Variants in STAC observed in about 807,000 individuals in gnomAD.
STAC encodes SH3 and cysteine-rich domain-containing protein.
STAC carries 43 observed loss-of-function variants against 48.8 expected under a neutral mutation model. The ratio of observed to expected loss-of-function variants is 0.88; its 90% confidence interval spans 0.69 to 1.14. The LOEUF is 1.14. Ranked by LOEUF, STAC falls within the 50% of genes most tolerant of loss-of-function variation. The probability of loss-of-function intolerance (pLI) is 0.00; values close to 1 mark genes in which losing one functional copy is unlikely to be tolerated. For synonymous variants in STAC, 193 were observed against 179.5 expected, an observed-to-expected ratio of 1.07 and a Z score of -0.60; for missense variants, 497 against 504.0, an observed-to-expected ratio of 0.99 and a Z score of 0.13.
intron 2 of STAC, among the ~76,000 whole-genome samples, chr3:36,457,915 G>A (rs996353370): frequency 3.3e-5 from 5 of 152,190 alleles, no homozygotes; most frequent in African/African-American, 7.2e-5. Context: ...AGCCAAGTGC[G>A]GGTGAGGGGC....
At chr3:36,447,649 C>CCACACACACACACA (rs3061960) in intron 2 of STAC, among the ~76,000 whole-genome samples, 4 of 146,314 alleles carry the variant, frequency 2.7e-5, no homozygotes, top group Non-Finnish European at 6.0e-5. Context: ...TGTATACACA[C>CCACACACACACACA]CACACACACA....
At chr3:36,472,288 C>A (rs1277368925) in intron 2 of STAC, among the ~76,000 whole-genome samples, 2 of 152,194 alleles carry the variant, frequency 1.3e-5, no homozygotes, top group Admixed American at 6.5e-5. Context: ...GGGCCCTGGG[C>A]CCGGCCCACG....
At chr3:36,509,832 C>A (rs376191466) in intron 8 of STAC, among the ~76,000 whole-genome samples, 1 of 151,882 alleles carries the variant, frequency 6.6e-6, no homozygotes, top group Non-Finnish European at 1.5e-5. Context: ...AAGAGTTAAA[C>A]GTAAGACCTA....
intron 10 of STAC, among the ~76,000 whole-genome samples, chr3:36,538,335 A>G (rs1308040060): frequency 6.6e-6 from 1 of 152,152 alleles, no homozygotes; most frequent in Non-Finnish European, 1.5e-5. Flanking sequence ...CAAAGCCTAC[A>G]ATATTTAGCA....
At chr3:36,412,764 T>C (rs1368667325) in intron 1 of STAC, among the ~76,000 whole-genome samples, 1 of 152,232 alleles carries the variant, frequency 6.6e-6, no homozygotes, top group Non-Finnish European at 1.5e-5. Flanking sequence ...CATTGATATA[T>C]ATGGTTTTAC....
chr3:36,460,193 C>G (rs899578032), intron 2 of STAC, among the ~76,000 whole-genome samples: 1 of 152,000 alleles, frequency 6.6e-6, no homozygotes, highest in African/African-American at 2.4e-5. Flanking sequence ...TTAGACCAAG[C>G]ACTTCCCTCA....
intron 2 of STAC, among the ~76,000 whole-genome samples, chr3:36,476,409 G>A (rs1036457985): frequency 1.3e-5 from 2 of 152,184 alleles, no homozygotes; most frequent in African/African-American, 4.8e-5. Flanking sequence ...CTGTTTACCA[G>A]TCAAACAAGA....
At chr3:36,417,074 G>A (rs932203763) in intron 1 of STAC, among the ~76,000 whole-genome samples, 1 of 152,064 alleles carries the variant, frequency 6.6e-6, no homozygotes, top group African/African-American at 2.4e-5. Flanking sequence ...ATGGCACCAG[G>A]CATCCAAAGA....
chr3:36,395,446 C>T (rs976124050), intron 1 of STAC, among the ~76,000 whole-genome samples: 2 of 152,176 alleles, frequency 1.3e-5, no homozygotes, highest in Non-Finnish European at 2.9e-5. Flanking sequence ...GTAGAAGTGT[C>T]TGTTTCCTCC....
chr3:36,542,191 A>C (rs1559531876), intron 10 of STAC, among the ~76,000 whole-genome samples: 1 of 152,164 alleles, frequency 6.6e-6, no homozygotes, highest in Non-Finnish European at 1.5e-5. Flanking sequence ...AAACCTTTTA[A>C]CACCTGTTTG....
chr3:36,451,791 C>T, intron 2 of STAC, among the ~76,000 whole-genome samples: 1 of 152,198 alleles, frequency 6.6e-6, no homozygotes, highest in East Asian at 1.9e-4. Context: ...CTGTACTTAA[C>T]TTCCCTTTTC....
At chr3:36,434,676 A>C (rs1700786954) in intron 1 of STAC, among the ~76,000 whole-genome samples, 1 of 152,186 alleles carries the variant, frequency 6.6e-6, no homozygotes, top group African/African-American at 2.4e-5. Context: ...TTTCCCATAT[A>C]GCATGGACTT....
At chr3:36,494,865 C>T (rs1302171834) in intron 6 of STAC, among the ~76,000 whole-genome samples, 1 of 152,212 alleles carries the variant, frequency 6.6e-6, no homozygotes, top group Admixed American at 6.5e-5. Flanking sequence ...TCTGGCACTG[C>T]AAGACCAGCA....
chr3:36,498,891 C>T (rs1417240967), intron 6 of STAC, among the ~76,000 whole-genome samples: 2 of 152,078 alleles, frequency 1.3e-5, no homozygotes, highest in Non-Finnish European at 1.5e-5. Context: ...GCTGAAACTG[C>T]AGAATTTCAA....
chr3:36,527,906 A>T (rs796223975), intron 8 of STAC, among the ~76,000 whole-genome samples: 1 of 152,216 alleles, frequency 6.6e-6, no homozygotes, highest in South Asian at 2.1e-4. Context: ...AAAAGATGGC[A>T]GACAGGAAAA....
intron 2 of STAC, among the ~76,000 whole-genome samples, chr3:36,463,297 T>C (rs1241363159): frequency 6.6e-6 from 1 of 152,072 alleles, no homozygotes; most frequent in Non-Finnish European, 1.5e-5. Context: ...CCTGAAATAA[T>C]TTTTCTTTTA....
At chr3:36,486,804 G>C (rs75772119) in intron 5 of STAC, among the ~76,000 whole-genome samples, 2,663 of 152,294 alleles carry the variant, frequency 0.017, 20 homozygotes, top group Non-Finnish European at 0.021. Flanking sequence ...CTTAAACTGA[G>C]TGTTCCATGC....
chr3:36,398,657 A>AAAGG (rs150269082), intron 1 of STAC, among the ~76,000 whole-genome samples: 4,525 of 102,008 alleles, frequency 0.044, 457 homozygotes, highest in Middle Eastern at 0.074. Context: ...AAAGAGAAAG[A>AAAGG]AAGGAAGGAA....
chr3:36,461,222 C>G (rs1697008876), intron 2 of STAC, among the ~76,000 whole-genome samples: 1 of 152,182 alleles, frequency 6.6e-6, no homozygotes, highest in Admixed American at 6.5e-5. Flanking sequence ...AACTCGAATT[C>G]TGGTAAATCT....
Sources: allele counts gnomAD v4.1 joint callset (sites outside exome capture counted in the v4.1 genomes callset), GRCh38; gene constraint gnomAD v4.1.1; transcripts MANE v1.5; gene names NCBI Gene and HGNC (gene_info 2026-07-23, HGNC 2026-07-21).